The following FLNB variants were observed in gnomAD, a reference collection of about 807,000 sequenced individuals.
The protein encoded by FLNB is filamin B.
A neutral mutation model predicts 250.6 loss-of-function variants in FLNB; 111 were observed. The ratio of observed to expected loss-of-function variants is 0.44; its 90% CI spans 0.38 to 0.52. The LOEUF is 0.52. Among genes scored for constraint, FLNB ranks in the 20% least tolerant of loss-of-function variants. The pLI is 0.00. For missense variants in FLNB, 2,869 were observed against 3,447.8 expected (o/e 0.83, Z 4.20); for synonymous variants, 1,302 against 1,372.1 (o/e 0.95, Z 1.13).
Position 58,153,378 on chromosome 3 carries a change from T to A in FLNB, c.6371T>A (p.Ile2124Asn), listed in dbSNP as rs1414111050. The A allele has an allele frequency of 1.9e-6, 3 of 1,614,030 alleles. No individual in the cohort carries two copies. Among genetic ancestry groups the A allele is most frequent in the Non-Finnish European group, 2.5e-6 (3 of 1,180,030 alleles). Reference protein sequence around the residue: ...ICDLNLKIPEINSSDMSAHVT... With the variant: ...ICDLNLKIPENNSSDMSAHVT... Reference sequence around the variant, plus strand: ...CCAACCTCCCTCCCTCTTTCAGAAATCAACAGCAGTGATATGTCGGCCCAC... The same window carrying A: ...CCAACCTCCCTCCCTCTTTCAGAAAACAACAGCAGTGATATGTCGGCCCAC... The change falls in exon 39 of 46, where the codon ATC (isoleucine) becomes AAC (asparagine). Residue 2124 changes from isoleucine (I) to asparagine (N), a missense_variant. Physicochemically the swap from Ile to Asn is moderately radical, Grantham distance 149. Transcript: ENST00000295956.
intron 3 of FLNB, among the ~76,000 whole-genome samples, chr3:58,079,291 C>T (rs1245069086): frequency 1.4e-5 from 2 of 146,376 alleles, no homozygotes; most frequent in Non-Finnish European, 3.0e-5. Flanking sequence ...CTCGCTTTGT[C>T]GCCCAGGCTG....
rs370497055 is a variant in FLNB at position 58,077,027 on chromosome 3, C to G, written c.293-19C>G. The G allele has an allele frequency of 6.2e-7, 1 of 1,613,962 alleles. No homozygotes were observed. The highest frequency in any genetic ancestry group is 8.5e-7 in the Non-Finnish European group (1 of 1,179,912). ...TGTGTAACCCAAAGGAATGACCAAG[C>G]CTGTGCTTCTCTCCCCAGATAGCAA... On this transcript the variant is annotated intron_variant, in intron 1 of 45. Transcript: ENST00000295956.
intron 26 of FLNB, among the ~76,000 whole-genome samples, chr3:58,133,563 T>C (rs909745168): frequency 2.0e-5 from 3 of 150,654 alleles, no homozygotes; most frequent in Non-Finnish European, 4.4e-5. Flanking sequence ...AGTTTTCTGA[T>C]TGGGACAGGA....
chr3:58,157,913 CAGG>C (rs779959519), intron 41 of FLNB, among the ~76,000 whole-genome samples: 1 of 152,226 alleles, frequency 6.6e-6, no homozygotes, highest in Non-Finnish European at 1.5e-5. Context: ...GCTGCTGCCG[CAGG>C]AGAAGTGTGT....
At chr3:58,060,248 G>A (rs1445931636) in intron 1 of FLNB, among the ~76,000 whole-genome samples, 1 of 152,130 alleles carries the variant, frequency 6.6e-6, no homozygotes, top group South Asian at 2.1e-4. Flanking sequence ...TGGGTGTGGT[G>A]GCTCATGCCT....
At chr3:58,156,428 C>T (rs1351056124) in intron 41 of FLNB, among the ~76,000 whole-genome samples, 7 of 152,178 alleles carry the variant, frequency 4.6e-5, no homozygotes, top group African/African-American at 1.4e-4. Flanking sequence ...AATAACAGTG[C>T]AGTGATGTTT....
intron 21 of FLNB, 118 bp from the exon 22 acceptor site, chr3:58,124,214 T>C: frequency 9.5e-7 from 1 of 1,049,104 alleles, no homozygotes; most frequent in African/African-American, 1.6e-5. Context: ...GAAAAACCAG[T>C]TTTCCAGTTA....
chr3:58,052,036 G>A (rs114525349), intron 1 of FLNB, among the ~76,000 whole-genome samples: 4,195 of 152,100 alleles, frequency 0.028, 81 homozygotes, highest in Non-Finnish European at 0.04. Context: ...CCAGGCACGC[G>A]CCGCCACACC....
chr3:58,042,248 G>A (rs563615375), intron 1 of FLNB, among the ~76,000 whole-genome samples: 10 of 152,134 alleles, frequency 6.6e-5, no homozygotes, highest in African/African-American at 7.2e-5. Flanking sequence ...TCTTTGATGC[G>A]GGTAAACTTT....
chr3:58,062,315 A>T (rs1036627029), intron 1 of FLNB, among the ~76,000 whole-genome samples: 1 of 152,138 alleles, frequency 6.6e-6, no homozygotes, highest in Non-Finnish European at 1.5e-5. Context: ...TTAATACATC[A>T]TAGAAGCCTA....
chr3:58,008,646 G>T lies in FLNB; in HGVS notation c.82G>T (p.Glu28Ter). 1 of 1,614,044 alleles carries T rather than the reference G, an allele frequency of 6.2e-7. No homozygotes were observed. Among genetic ancestry groups the T allele is most frequent in the Non-Finnish European group, 8.5e-7 (1 of 1,179,984 alleles). The stretch of plus-strand genomic sequence containing the variant: ...GAACACGTTCACACGCTGGTGCAAC[G>T]AGCACCTCAAGTGCGTGAACAAACG... The part of the protein sequence containing the change: ...QQNTFTRWCN[E>*]HLKCVNKRIG... The change falls in exon 1 of 46, where the codon GAG becomes TAG. Residue 28 changes from glutamate to a stop codon, truncating the protein, a stop_gained. Coordinates refer to ENST00000295956, the MANE Select transcript of FLNB (RefSeq NM_001457.4). LOFTEE classifies it high-confidence loss of function.
intron 43 of FLNB, among the ~76,000 whole-genome samples, chr3:58,167,865 A>G (rs2097373525): frequency 6.6e-6 from 1 of 152,264 alleles, no homozygotes; most frequent in Non-Finnish European, 1.5e-5. Context: ...ATGCCCCGTC[A>G]GCGGGAGCTG....
chr3:58,114,814 G>T (rs564655032), intron 18 of FLNB, among the ~76,000 whole-genome samples: 72 of 151,096 alleles, frequency 4.8e-4, no homozygotes, highest in Non-Finnish European at 8.0e-4. Context: ...GATTAGTGAT[G>T]CTGATCATCT....
At chr3:58,137,238 T>G (rs1187939478) in intron 28 of FLNB, among the ~76,000 whole-genome samples, 2 of 152,242 alleles carry the variant, frequency 1.3e-5, no homozygotes, top group East Asian at 3.8e-4. Flanking sequence ...TGTGAATTGC[T>G]CAGCGTGGCC....
At chr3:58,099,347 T>G (rs2097245273) in intron 8 of FLNB, among the ~76,000 whole-genome samples, 1 of 152,134 alleles carries the variant, frequency 6.6e-6, no homozygotes, top group South Asian at 2.1e-4. Context: ...GCTATTATTA[T>G]CCCTAGCTTG....
rs2097264949 is a variant in FLNB at position 58,109,505 on chromosome 3, A to G, written c.2200-71A>G. Reference sequence around the variant, plus strand: ...CTGCTCAGAAGAACTATTTCTAACAATGTTTTTTAATAGTATTTTACTGGG... The same window carrying G: ...CTGCTCAGAAGAACTATTTCTAACAGTGTTTTTTAATAGTATTTTACTGGG... On this transcript the variant is annotated intron_variant, in intron 14 of 45. Coordinates refer to ENST00000295956, the MANE Select transcript of FLNB (RefSeq NM_001457.4). 8 of 1,612,292 alleles carry G rather than the reference A, an allele frequency of 5.0e-6. No individual in the cohort carries two copies. In the African/African-American group the frequency reaches 8.0e-5, roughly 16 times the overall value.
At chr3:58,048,526 C>G (rs2097157600) in intron 1 of FLNB, among the ~76,000 whole-genome samples, 1 of 152,208 alleles carries the variant, frequency 6.6e-6, no homozygotes, top group Admixed American at 6.5e-5. Flanking sequence ...TTCCCACTGC[C>G]TCACAGCACA....
chr3:58,036,518 G>A (rs575262768), intron 1 of FLNB, among the ~76,000 whole-genome samples: 3 of 152,292 alleles, frequency 2.0e-5, no homozygotes, highest in African/African-American at 4.8e-5. Context: ...CCAGATTACC[G>A]CTCTGGGAGG....
In FLNB at chr3:58,124,370, T is replaced by C; in HGVS notation, c.3763T>C (p.Ser1255Pro). Reference protein sequence around the residue: ...REATTDFTVDSRPLTQVGGDH... With the variant: ...REATTDFTVDPRPLTQVGGDH... Reference sequence around the variant, plus strand: ...AGCTACCACCGACTTTACAGTTGACTCTCGGCCGCTGACCCAGGTTGGGGG... The same window carrying C: ...AGCTACCACCGACTTTACAGTTGACCCTCGGCCGCTGACCCAGGTTGGGGG... The change falls in exon 22 of 46, where the codon TCT becomes CCT. Residue 1255 changes from serine (S) to proline (P), a missense_variant. Coordinates refer to ENST00000295956, the MANE Select transcript of FLNB (RefSeq NM_001457.4). The C allele has an allele frequency of 6.2e-7, 1 of 1,614,228 alleles. No homozygotes were observed. Among genetic ancestry groups the C allele is most frequent in the Non-Finnish European group, 8.5e-7 (1 of 1,180,034 alleles).
Sources: gnomAD v4.1 joint callset for allele counts (sites outside exome capture counted in the v4.1 genomes callset) on GRCh38, gnomAD v4.1.1 for gene constraint, MANE v1.5 for transcripts, NCBI Gene and HGNC (gene_info 2026-07-23, HGNC 2026-07-21) for gene names.